FMN2: variants seen among roughly 807,000 people sequenced by gnomAD.
The protein encoded by FMN2 is formin 2.
Under a neutral mutation model 142.3 loss-of-function variants are expected in FMN2, and 51 were observed. The observed-to-expected ratio is 0.36, with a 90% CI of 0.29 to 0.45. The LOEUF (loss-of-function observed/expected upper bound fraction) is 0.45. Ranked by LOEUF, FMN2 falls within the 20% of genes least tolerant of loss-of-function variation. The probability of loss-of-function intolerance (pLI) is 1.00; values close to 1 mark genes in which losing one functional copy is unlikely to be tolerated. For synonymous variants in FMN2, 882 were observed against 869.8 expected (o/e 1.01, Z -0.25); for missense variants, 1,936 against 2,122.8 (o/e 0.91, Z 1.73).
At position 240,177,969 on chromosome 1, in the gene FMN2, T is replaced by C. The variant is rs200182734; in HGVS notation, c.1831T>C (p.Leu611=). The change falls in exon 3 of 18, where the codon TTG becomes CTG. Residue 611 remains leucine (L), a synonymous_variant. Transcript: ENST00000319653. ...TGCAGTTAGTCAACCCACACACTCA[T>C]TGGACTATTCAGAAGGGCAGTTTCC... ...WAAVSQPTHS[L]DYSEGQFPRR... The C allele has an allele frequency of 3.4e-5, 55 of 1,611,500 alleles. No individual in the cohort carries two copies. Among genetic ancestry groups the C allele is most frequent in the East Asian group, 1.8e-4 (8 of 44,782 alleles).
chr1:240,353,202 C>A (rs1056289759), intron 13 of FMN2, among the ~76,000 whole-genome samples: 2 of 152,176 alleles, frequency 1.3e-5, no homozygotes, highest in Non-Finnish European at 2.9e-5. Context: ...CTTATAAAAA[C>A]AATAGCAGCA....
chr1:240,371,954 A>G (rs1280294309), intron 14 of FMN2, among the ~76,000 whole-genome samples: 2 of 152,178 alleles, frequency 1.3e-5, no homozygotes, highest in East Asian at 1.9e-4. Context: ...GAGAAGGGTC[A>G]GCTGGGCATG....
chr1:240,117,970 T>C (rs74149333), intron 1 of FMN2, among the ~76,000 whole-genome samples: 5,891 of 152,232 alleles, frequency 0.039, 376 homozygotes, highest in African/African-American at 0.13. Flanking sequence ...TATTAGGAAG[T>C]TCTCTCAGTG....
At chr1:240,468,289 CAT>C (rs969648860) in intron 16 of FMN2, among the ~76,000 whole-genome samples, 25 of 151,786 alleles carry the variant, frequency 1.6e-4, no homozygotes, top group African/African-American at 4.6e-4. Flanking sequence ...TGCACACACA[CAT>C]ATACATATGC....
intron 4 of FMN2, among the ~76,000 whole-genome samples, chr1:240,194,428 C>T (rs754350190): frequency 2.2e-4 from 33 of 152,208 alleles, no homozygotes; most frequent in Non-Finnish European, 4.1e-4. Flanking sequence ...AAGAGTCCAG[C>T]GTGAACTAAA....
At chr1:240,235,113 C>A (rs1201900511) in intron 6 of FMN2, among the ~76,000 whole-genome samples, 2 of 152,152 alleles carry the variant, frequency 1.3e-5, no homozygotes, top group African/African-American at 2.4e-5. Context: ...TAAAATTATT[C>A]TCTTTCCTGC....
chr1:240,386,373 A>T (rs1159131943), intron 14 of FMN2, among the ~76,000 whole-genome samples: 1 of 152,216 alleles, frequency 6.6e-6, no homozygotes, highest in Non-Finnish European at 1.5e-5. Context: ...AAAAGGAAAA[A>T]TAGCAAAAAG....
In FMN2 at chr1:240,257,939, G is replaced by A. The variant is rs770156287; in HGVS notation, c.4066-6G>A. On this transcript the variant is annotated splice_polypyrimidine_tract_variant and splice_region_variant and intron_variant, in intron 6 of 17. Transcript: ENST00000319653. ...ATTTTCCCCTTTTACTTTCTTTCTC[G>A]AGCAGGTTGTCAAGTTATTAAGCAA... 6.8e-6 allele frequency: 11 copies of A among 1,610,620 alleles called. No homozygotes were observed. Among genetic ancestry groups the A allele is most frequent in the East Asian group, 2.2e-5 (1 of 44,666 alleles).
chr1:240,316,956 A>C (rs1157131335), intron 8 of FMN2, among the ~76,000 whole-genome samples: 1 of 152,104 alleles, frequency 6.6e-6, no homozygotes, highest in Non-Finnish European at 1.5e-5. Flanking sequence ...ACACATATGC[A>C]TGTACAGTTC....
intron 2 of FMN2, among the ~76,000 whole-genome samples, chr1:240,136,135 T>C (rs1046576571): frequency 5.3e-5 from 8 of 152,188 alleles, no homozygotes; most frequent in African/African-American, 1.9e-4. Context: ...ATTATTATGT[T>C]TAAGCCTATT....
At chr1:240,325,645 A>G (rs758176729) in intron 8 of FMN2, among the ~76,000 whole-genome samples, 4 of 152,184 alleles carry the variant, frequency 2.6e-5, no homozygotes, top group Non-Finnish European at 4.4e-5. Context: ...ACACACATAC[A>G]TGTTCTTACT....
chr1:240,343,824 C>A (rs1671817646), intron 13 of FMN2, among the ~76,000 whole-genome samples: 1 of 152,056 alleles, frequency 6.6e-6, no homozygotes, highest in Non-Finnish European at 1.5e-5. Context: ...GTGAGCAGAT[C>A]AATCTCACAT....
intron 6 of FMN2, 73 bp from the exon 7 acceptor site, chr1:240,257,872 A>AT: frequency 1.6e-6 from 2 of 1,245,198 alleles, no homozygotes; most frequent in East Asian, 4.7e-5. Flanking sequence ...TTCATTTAGG[A>AT]TTTTTTAAAA....
chr1:240,328,167 A>AAAAAAAAAAAAAAAAAAAAAAAAGAAAG (rs1558435720), intron 8 of FMN2, among the ~76,000 whole-genome samples: 6 of 141,070 alleles, frequency 4.3e-5, no homozygotes, highest in African/African-American at 1.6e-4. Context: ...AAAAAAAAAA[A>AAAAAAAAAAAAAAAAAAAAAAAAGAAAG]AAAAAGAAAA....
chr1:240,337,999 G>C (rs1176448887), intron 13 of FMN2, among the ~76,000 whole-genome samples: 1 of 152,158 alleles, frequency 6.6e-6, no homozygotes, highest in African/African-American at 2.4e-5. Context: ...CATGCCAAAT[G>C]ATGACTCTGT....
chr1:240,192,573 A>G (rs1665741028), intron 4 of FMN2, among the ~76,000 whole-genome samples: 1 of 152,212 alleles, frequency 6.6e-6, no homozygotes, highest in South Asian at 2.1e-4. Flanking sequence ...TAAGAAATAC[A>G]AGTCTTAAAG....
At chr1:240,105,682 A>T (rs1173937116) in intron 1 of FMN2, among the ~76,000 whole-genome samples, 1 of 152,044 alleles carries the variant, frequency 6.6e-6, no homozygotes, top group Non-Finnish European at 1.5e-5. Flanking sequence ...TACTAATGGG[A>T]ATGGGATCTT....
chr1:240,276,179 C>T (rs1669202212), intron 7 of FMN2, among the ~76,000 whole-genome samples: 1 of 152,142 alleles, frequency 6.6e-6, no homozygotes, highest in Admixed American at 6.5e-5. Context: ...AAGGGCCCAC[C>T]TGAGGTTAGT....
At chr1:240,109,413 A>G (rs1661726536) in intron 1 of FMN2, among the ~76,000 whole-genome samples, 1 of 152,206 alleles carries the variant, frequency 6.6e-6, no homozygotes, top group Non-Finnish European at 1.5e-5. Flanking sequence ...ATGCACCATC[A>G]AGGGTATTGG....
Sources: gnomAD v4.1 joint callset for allele counts (sites outside exome capture counted in the v4.1 genomes callset) on GRCh38, gnomAD v4.1.1 for gene constraint, MANE v1.5 for transcripts, NCBI Gene and HGNC (gene_info 2026-07-23, HGNC 2026-07-21) for gene names.